The following MIGA2 variants were observed in gnomAD, a reference collection of about 807,000 sequenced individuals.
MIGA2 encodes family with sequence similarity 73, member B.
In MIGA2, 36 loss-of-function variants were observed where a neutral mutation model predicts 69.9. The ratio of observed to expected loss-of-function variants is 0.52; its 90% CI spans 0.39 to 0.68. MIGA2 has a LOEUF of 0.68. MIGA2 is among the 30% of genes least tolerant of loss of function. The pLI, the probability that MIGA2 is intolerant of heterozygous loss-of-function variation, is 0.00. For missense variants in MIGA2, 660 were observed against 787.7 expected, an observed-to-expected ratio of 0.84 and a Z score of 1.94; for synonymous variants, 333 against 349.2, an observed-to-expected ratio of 0.95 and a Z score of 0.52.
rs1354523480 is a variant in MIGA2 at position 129,069,395 on chromosome 9, G to C, written c.1458+266G>C. The C allele has an allele frequency of 7.1e-6, 4 of 567,366 alleles. No individual in the cohort carries two copies. In the East Asian group the frequency reaches 1.2e-4, roughly 17 times the overall value. The allele number at this position is 567,366 out of a possible 1,614,324, so 35.1% of individuals were successfully genotyped here. A position where few individuals can be genotyped will look rare whatever the true frequency, so the allele number is the denominator to read the frequency against. The stretch of plus-strand genomic sequence containing the variant: ...TAGGGTAGTGGCCACAGGGCTGGCA[G>C]CTGGCCTGGTGCAGGCGTCTCGGTG... On this transcript the variant is annotated intron_variant, in intron 14 of 15. Transcript: ENST00000684074. This position sits in a 1 kb window ranked among gnomAD's most constrained non-coding sequence, Gnocchi z 4.9.
At chr9:129,064,488 T>C (rs1371792872) in intron 11 of MIGA2, among the ~76,000 whole-genome samples, 2 of 151,278 alleles carry the variant, frequency 1.3e-5, no homozygotes, top group South Asian at 2.1e-4. Context: ...ATTACAGGCA[T>C]GAGCCACCGT....
At chr9:129,040,746 A>G (rs1426345068) in intron 2 of MIGA2, 56 bp downstream of exon 2, 1 of 1,516,324 alleles carries the variant, frequency 6.6e-7, no homozygotes, top group African/African-American at 1.4e-5. Flanking sequence ...ATGCTCAGCC[A>G]AGGGCTCCTC....
chr9:129,067,135 CAAAAAAAAAAAA>C (rs774512522), intron 11 of MIGA2, among the ~76,000 whole-genome samples: 7 of 52,016 alleles, frequency 1.3e-4, no homozygotes, highest in Admixed American at 2.1e-4. Context: ...GACTCCATCT[CAAAAAAAAAAAA>C]AAAAAAAAAA....
In MIGA2 at chr9:129,036,894, G is replaced by T. The variant is rs528162330; in HGVS notation, c.-144+213G>T. ...AAGGTACTTGGGTCAGGGAGGTGAT[G>T]CCCGGGCCTGGAACGTGGCGGGGAT... On this transcript the variant is annotated intron_variant, in intron 1 of 15. Coordinates refer to ENST00000684074, the MANE Select transcript of MIGA2 (RefSeq NM_001329990.2). 4.1e-6 allele frequency: 4 copies of T among 985,640 alleles called. No homozygotes were observed. The East Asian group carries it at 3.4e-4, about 84-fold the overall frequency. 61.1% of individuals were successfully genotyped at this position (985,640 alleles called of 1,614,324 possible). A position where few individuals can be genotyped will look rare whatever the true frequency, so the allele number is the denominator to read the frequency against.
At chr9:129,051,253 A>T (rs1438072099) in intron 6 of MIGA2, 4 of 173,012 alleles carry the variant, frequency 2.3e-5, no homozygotes, top group East Asian at 1.7e-4. Flanking sequence ...TCAACAGTGA[A>T]TTATTTATTT....
chr9:129,064,525 T>A (rs1286163127), intron 11 of MIGA2, among the ~76,000 whole-genome samples: 2 of 150,532 alleles, frequency 1.3e-5, no homozygotes, highest in Non-Finnish European at 3.0e-5. Context: ...TTTTTTTCTT[T>A]AATGGGTTTG....
chr9:129,045,119 C>G (rs1845143273), intron 3 of MIGA2, among the ~76,000 whole-genome samples: 1 of 149,750 alleles, frequency 6.7e-6, no homozygotes, highest in African/African-American at 2.5e-5. Flanking sequence ...CCACTGCACT[C>G]CAACCTGGGC....
rs753369960 is a variant in MIGA2, at chr9:129,068,443, C to A, written c.1404+111C>A. ...TGGCACCAGGGCTGGGCCCCCACCC[C>A]CTAGATCCGCGGCTGCCAGGCCTGG... On this transcript the variant is annotated intron_variant, in intron 13 of 15. Transcript: ENST00000684074. The surrounding 1 kb of genome is among the most constrained non-coding windows in gnomAD (Gnocchi z 4.1). The A allele has an allele frequency of 1.4e-6, 2 of 1,458,034 alleles. No individual in the cohort carries two copies. 90.3% of individuals were successfully genotyped at this position (1,458,034 alleles called of 1,614,324 possible). A position where few individuals can be genotyped will look rare whatever the true frequency, so the allele number is the denominator to read the frequency against.
At chr9:129,042,046 T>C in intron 2 of MIGA2, 1 of 517,130 alleles carries the variant, frequency 1.9e-6, no homozygotes. Flanking sequence ...GCTTGTGTGC[T>C]CATGACTGAG....
chr9:129,071,092 T>C lies in MIGA2; in HGVS notation c.*639T>C, dbSNP rs184327072. On this transcript the variant is annotated 3_prime_UTR_variant, in exon 16 of 16. Transcript: ENST00000684074. ...CCTCGCCCTACCAAAGATCGTCTTT[T>C]CTCCTCCCACCTCTGTCACCACCAA... 1.5e-3 allele frequency: 224 copies of C among 152,746 alleles called. No individual in the cohort carries two copies. The highest frequency in any genetic ancestry group is 0.01 in the Middle Eastern group (3 of 294). The allele number at this position is 152,746 out of a possible 1,614,324, so 9.5% of individuals were successfully genotyped here.
At chr9:129,048,159 C>T (rs753559838) in intron 3 of MIGA2, among the ~76,000 whole-genome samples, 1 of 152,230 alleles carries the variant, frequency 6.6e-6, no homozygotes, top group Non-Finnish European at 1.5e-5. Flanking sequence ...TCATTCTTGG[C>T]TTATCTGGCA....
intron 3 of MIGA2, among the ~76,000 whole-genome samples, chr9:129,044,197 T>G (rs1845080488): frequency 6.6e-6 from 1 of 151,820 alleles, no homozygotes; most frequent in South Asian, 2.1e-4. Flanking sequence ...TTTCACCATG[T>G]TAGCCAGGCT....
chr9:129,056,622 G>A (rs1845810951), intron 6 of MIGA2, among the ~76,000 whole-genome samples: 1 of 151,614 alleles, frequency 6.6e-6, no homozygotes, highest in South Asian at 2.1e-4. Context: ...GGGTTCAAGC[G>A]ATTCTCCTGC....
chr9:129,049,338 C>T (rs772911919), intron 4 of MIGA2, 43 bp from the exon 5 acceptor site: 28 of 1,593,068 alleles, frequency 1.8e-5, no homozygotes, highest in Middle Eastern at 1.7e-4. Flanking sequence ...GCAGAGAGCC[C>T]GGGAAAGCTT....
chr9:129,063,445 C>A, intron 10 of MIGA2, 100 bp from the exon 11 acceptor site: 1 of 1,549,096 alleles, frequency 6.5e-7, no homozygotes, highest in South Asian at 1.1e-5. Context: ...TCCTCTGTGG[C>A]AGGTGGGCCA....
Position 129,060,721 on chromosome 9 carries a change from G to A in MIGA2, c.894+71G>A. On this transcript the variant is annotated intron_variant, in intron 8 of 15. Transcript: ENST00000684074. This position sits in a 1 kb window ranked among gnomAD's most constrained non-coding sequence, Gnocchi z 4.8. ...CCTCCTCTGCAGGTCCATGGGGCCAGCACTGGGTCATGGGAAAGTGGAGGC... is the reference window on the plus strand; with the variant it reads ...CCTCCTCTGCAGGTCCATGGGGCCAACACTGGGTCATGGGAAAGTGGAGGC... 7.8e-7 allele frequency: 1 copy of A among 1,279,212 alleles called. No individual in the cohort carries two copies. Among genetic ancestry groups the A allele is most frequent in the Non-Finnish European group, 1.1e-6 (1 of 915,950 alleles). 79.2% of individuals were successfully genotyped at this position (1,279,212 alleles called of 1,614,324 possible).
At chr9:129,065,635 C>A (rs1846300755) in intron 11 of MIGA2, among the ~76,000 whole-genome samples, 1 of 152,178 alleles carries the variant, frequency 6.6e-6, no homozygotes, top group Non-Finnish European at 1.5e-5. Context: ...CGGGTGTGAG[C>A]CACCACGCCC....
At chr9:129,053,674 A>G (rs1845661897) in intron 6 of MIGA2, among the ~76,000 whole-genome samples, 1 of 152,100 alleles carries the variant, frequency 6.6e-6, no homozygotes, top group Admixed American at 6.6e-5. Context: ...GCCTATTGCT[A>G]TAATTTTTAA....
rs1311938384 is a variant in MIGA2, at chr9:129,071,605, T to C, written c.*1152T>C. 2 of 151,936 alleles carry C rather than the reference T, an allele frequency of 1.3e-5. No homozygotes were observed. The highest frequency in any genetic ancestry group is 4.8e-5 in the African/African-American group (2 of 41,370). The allele number at this position is 151,936 out of a possible 1,614,324, so 9.4% of individuals were successfully genotyped here. On this transcript the variant is annotated 3_prime_UTR_variant, in exon 16 of 16. Transcript: ENST00000684074. The stretch of plus-strand genomic sequence containing the variant: ...ACACTCAGGAGGTCAGAGGACTGGC[T>C]CCTGTGACCAGGGCCCCTCTCCCCT...
Sources: allele counts gnomAD v4.1 joint callset (sites outside exome capture counted in the v4.1 genomes callset), GRCh38; gene constraint gnomAD v4.1.1; non-coding constraint Gnocchi (gnomAD v3.1); transcripts MANE v1.5; gene names NCBI Gene and HGNC (gene_info 2026-07-23, HGNC 2026-07-21).